Variants in DPYSL3 observed in about 807,000 individuals in gnomAD.
DPYSL3 encodes dihydropyrimidinase like 3, also known as dihydropyrimidinase-related protein 3.
Under a neutral mutation model 66.1 loss-of-function variants are expected in DPYSL3, and 16 were observed. The ratio of observed to expected loss-of-function variants is 0.24; its 90% CI spans 0.16 to 0.37. DPYSL3 has a LOEUF of 0.37. Among genes scored for constraint, DPYSL3 ranks in the 10% least tolerant of loss-of-function variants. The pLI, the probability that DPYSL3 is intolerant of heterozygous loss-of-function variation, is 1.00. For missense variants in DPYSL3, 738 were observed against 916.2 expected (o/e 0.81, Z 2.51); for synonymous variants, 338 against 345.1 (o/e 0.98, Z 0.23).
At chr5:147,397,892 A>G in intron 11 of DPYSL3, 47 bp from the exon 12 acceptor site, 1 of 1,519,252 alleles carries the variant, frequency 6.6e-7, no homozygotes, top group Non-Finnish European at 8.9e-7. Flanking sequence ...GTAGAGAAAG[A>G]GGAACGTACC....
At chr5:147,395,453 C>T in intron 13 of DPYSL3, 106 bp downstream of exon 13, 1 of 1,403,426 alleles carries the variant, frequency 7.1e-7, no homozygotes, top group Non-Finnish European at 9.7e-7. Flanking sequence ...CAGTGCTAGG[C>T]TGGAAAACTC....
At chr5:147,403,362 G>C (rs1758246632) in intron 8 of DPYSL3, among the ~76,000 whole-genome samples, 1 of 152,160 alleles carries the variant, frequency 6.6e-6, no homozygotes, top group African/African-American at 2.4e-5. Flanking sequence ...AATCTTAAAA[G>C]TGGAAGAAAT....
At chr5:147,398,764 A>T (rs10059782) in intron 11 of DPYSL3, among the ~76,000 whole-genome samples, 1 of 151,906 alleles carries the variant, frequency 6.6e-6, no homozygotes, top group African/African-American at 2.4e-5. Context: ...CGTACACCAC[A>T]TCTAGGGGAA....
chr5:147,471,305 A>G (rs1753082749), intron 1 of DPYSL3, among the ~76,000 whole-genome samples: 1 of 152,194 alleles, frequency 6.6e-6, no homozygotes, highest in Non-Finnish European at 1.5e-5. Context: ...CTATTGAGAA[A>G]AAAAAAGAGC....
At chr5:147,418,804 C>T (rs74824744) in intron 2 of DPYSL3, among the ~76,000 whole-genome samples, 173 bp from the exon 3 acceptor site, 2 of 152,190 alleles carry the variant, frequency 1.3e-5, no homozygotes, top group Non-Finnish European at 2.9e-5. Context: ...TAGATATACA[C>T]AGAAAACAAT....
intron 3 of DPYSL3, 151 bp downstream of exon 3, chr5:147,418,296 T>C: frequency 1.4e-6 from 1 of 731,804 alleles, no homozygotes; most frequent in Non-Finnish European, 2.1e-6. Flanking sequence ...TTTCCTCAGC[T>C]CAATCTGCTT....
At chr5:147,443,601 T>C (rs1038207999) in intron 1 of DPYSL3, among the ~76,000 whole-genome samples, 2 of 151,810 alleles carry the variant, frequency 1.3e-5, no homozygotes, top group African/African-American at 2.4e-5. Flanking sequence ...CCGTTTTTTT[T>C]TTTTTAAGGA....
At chr5:147,408,430 G>C (rs1271091920) in intron 7 of DPYSL3, among the ~76,000 whole-genome samples, 1 of 152,134 alleles carries the variant, frequency 6.6e-6, no homozygotes, top group Non-Finnish European at 1.5e-5. Context: ...GGAATAAGTG[G>C]AAATGTCTAT....
rs1260576507 is a variant in DPYSL3 at position 147,509,508 on chromosome 5, C to G, written c.351G>C (p.Glu117Asp). ...GVEIRSATGKEVLQNLGPKDK... is the reference protein window; with the variant it reads ...GVEIRSATGKDVLQNLGPKDK... ...CCTTGGGGCCGAGGTTCTGCAACAC[C>G]TCTTTGCCGGTGGCGCTCCGGATCT... Residue 117 changes from glutamate (E) to aspartate (D), a missense_variant, in exon 1 of 14, where the codon GAG becomes GAC. Glu to Asp is a conservative substitution (Grantham distance 45, BLOSUM62 2). Coordinates refer to ENST00000343218, the MANE Select transcript of DPYSL3 (RefSeq NM_001197294.2). This position sits in a 1 kb window ranked among gnomAD's most constrained non-coding sequence, Gnocchi z 5.3. The G allele has an allele frequency of 6.5e-6, 10 of 1,532,342 alleles. No homozygotes were observed. The highest frequency in any genetic ancestry group is 8.7e-6 in the Non-Finnish European group (10 of 1,145,150). The allele number at this position is 1,532,342 out of a possible 1,614,324, so 94.9% of individuals were successfully genotyped here. A position where few individuals can be genotyped will look rare whatever the true frequency, so the allele number is the denominator to read the frequency against.
chr5:147,496,621 T>A (rs1229961114), intron 1 of DPYSL3, among the ~76,000 whole-genome samples: 1 of 152,072 alleles, frequency 6.6e-6, no homozygotes, highest in African/African-American at 2.4e-5. Context: ...AAAGAAGACA[T>A]TTATGCAGCC....
chr5:147,406,381 A>G (rs1156599365), intron 7 of DPYSL3, among the ~76,000 whole-genome samples: 1 of 152,200 alleles, frequency 6.6e-6, no homozygotes, highest in Non-Finnish European at 1.5e-5. Flanking sequence ...AGGGTCTGAG[A>G]GCTGAGGCTC....
At chr5:147,453,624 T>A in intron 1 of DPYSL3, 2 of 1,522,716 alleles carry the variant, frequency 1.3e-6, no homozygotes, top group Non-Finnish European at 1.8e-6. Flanking sequence ...GCTCCCTCCC[T>A]CCTTCTTCTG....
chr5:147,399,126 C>T lies in DPYSL3; in HGVS notation c.1579G>A (p.Asp527Asn). 2.5e-6 allele frequency: 4 copies of T among 1,614,192 alleles called. No individual in the cohort carries two copies. Among genetic ancestry groups the T allele is most frequent in the Non-Finnish European group, 3.4e-6 (4 of 1,180,036 alleles). The change falls in exon 11 of 14, where the codon GAT (aspartate) becomes AAT (asparagine). Residue 527 changes from aspartate to asparagine, a missense_variant. By Grantham distance (23) the Asp-to-Asn change is conservative. Coordinates refer to ENST00000343218, the MANE Select transcript of DPYSL3 (RefSeq NM_001197294.2). Reference sequence around the variant, plus strand: ...GAGACGATCTTCACAGCATCTGGATCCCAGATGACGAGGTCGCTGTCAGAA... The same window carrying T: ...GAGACGATCTTCACAGCATCTGGATTCCAGATGACGAGGTCGCTGTCAGAA... Reference protein sequence around the residue: ...VGSDSDLVIWDPDAVKIVSAK... With the variant: ...VGSDSDLVIWNPDAVKIVSAK...
At chr5:147,460,381 T>A (rs1752914674) in intron 1 of DPYSL3, among the ~76,000 whole-genome samples, 1 of 152,236 alleles carries the variant, frequency 6.6e-6, no homozygotes, top group South Asian at 2.1e-4. Context: ...CAGCTATATA[T>A]GTTCATGGGT....
At chr5:147,433,413 T>G (rs1201469068) in intron 1 of DPYSL3, among the ~76,000 whole-genome samples, 2 of 152,108 alleles carry the variant, frequency 1.3e-5, no homozygotes, top group African/African-American at 4.8e-5. Flanking sequence ...TGGCAAATCT[T>G]TAACTGGGCT....
chr5:147,503,055 CTG>C (rs987774182), intron 1 of DPYSL3, among the ~76,000 whole-genome samples: 1 of 152,100 alleles, frequency 6.6e-6, no homozygotes, highest in African/African-American at 2.4e-5. Flanking sequence ...CAGTTTTGAA[CTG>C]TCTCTCAAAA....
chr5:147,491,026 G>A (rs1404412946), intron 1 of DPYSL3, among the ~76,000 whole-genome samples: 1 of 152,178 alleles, frequency 6.6e-6, no homozygotes, highest in Admixed American at 6.5e-5. Context: ...CTGTTCATAG[G>A]AACAAGATAT....
chr5:147,503,011 G>T (rs1753637205), intron 1 of DPYSL3, among the ~76,000 whole-genome samples: 1 of 152,290 alleles, frequency 6.6e-6, no homozygotes, highest in East Asian at 1.9e-4. Flanking sequence ...GCACTAACCA[G>T]CACCTGGTCT....
chr5:147,473,301 T>C (rs1016548485), intron 1 of DPYSL3: 2 of 152,188 alleles, frequency 1.3e-5, no homozygotes, highest in Non-Finnish European at 2.9e-5. Context: ...TCCTTGTGTT[T>C]CTTTCCCAGT....
Sources: gnomAD v4.1 joint callset for allele counts (sites outside exome capture counted in the v4.1 genomes callset) on GRCh38, gnomAD v4.1.1 for gene constraint, Gnocchi (gnomAD v3.1) non-coding constraint, MANE v1.5 for transcripts, NCBI Gene and HGNC (gene_info 2026-07-23, HGNC 2026-07-21) for gene names.